Variants in TMEM132D observed in about 807,000 individuals in gnomAD.
TMEM132D encodes mature OL transmembrane protein.
In TMEM132D, 21 loss-of-function variants were observed where a neutral mutation model predicts 62.3. The ratio of observed to expected loss-of-function variants is 0.34; its 90% CI spans 0.24 to 0.49. The LOEUF is 0.49. TMEM132D is among the 20% of genes least tolerant of loss of function. The pLI, the probability that TMEM132D is intolerant of heterozygous loss-of-function variation, is 0.99. For synonymous variants in TMEM132D, 621 were observed against 575.6 expected, an observed-to-expected ratio of 1.08 and a Z score of -1.13; for missense variants, 1,346 against 1,402.8, an observed-to-expected ratio of 0.96 and a Z score of 0.65.
chr12:129,292,660 C>A (rs192330889), intron 4 of TMEM132D, among the ~76,000 whole-genome samples: 31 of 152,274 alleles, frequency 2.0e-4, no homozygotes, highest in African/African-American at 5.5e-4. Context: ...GATAATCACT[C>A]AGAAAGTGCA....
intron 5 of TMEM132D, among the ~76,000 whole-genome samples, chr12:129,112,172 A>G (rs1338358083): frequency 2.0e-5 from 3 of 152,192 alleles, no homozygotes; most frequent in Non-Finnish European, 2.9e-5. Context: ...TTGCTTGCAA[A>G]TGAGGATTCT....
intron 3 of TMEM132D, among the ~76,000 whole-genome samples, chr12:129,486,630 C>T (rs539916074): frequency 1.6e-4 from 24 of 152,260 alleles, no homozygotes; most frequent in South Asian, 4.1e-4. Context: ...GATCATACAC[C>T]CTAAGTCATA....
At chr12:129,492,923 C>T (rs1003572289) in intron 3 of TMEM132D, among the ~76,000 whole-genome samples, 1 of 152,134 alleles carries the variant, frequency 6.6e-6, no homozygotes, top group Non-Finnish European at 1.5e-5. Flanking sequence ...GGCTGCTAAA[C>T]AGCTAATCCC....
chr12:129,423,656 C>T (rs889547730), intron 3 of TMEM132D, among the ~76,000 whole-genome samples: 1 of 152,236 alleles, frequency 6.6e-6, no homozygotes, highest in East Asian at 1.9e-4. Context: ...GAAAGGGAAG[C>T]GCTTGTACTC....
At chr12:129,333,991 G>A (rs2135653827) in intron 4 of TMEM132D, among the ~76,000 whole-genome samples, 1 of 152,180 alleles carries the variant, frequency 6.6e-6, no homozygotes, top group South Asian at 2.1e-4. Context: ...CCTGTTGGCA[G>A]GTGCCTGTAG....
intron 1 of TMEM132D, among the ~76,000 whole-genome samples, chr12:129,828,758 A>AGGAGGGAGGGAGGAAAGGAG (rs1872737806): frequency 1.0e-4 from 1 of 9,978 alleles, no homozygotes; most frequent in Non-Finnish European, 2.7e-4. Flanking sequence ...GAGGGAGGAA[A>AGGAGGGAGGGAGGAAAGGAG]GGAGGGAGGG....
At chr12:129,445,079 C>T (rs1257863194) in intron 3 of TMEM132D, among the ~76,000 whole-genome samples, 2 of 152,120 alleles carry the variant, frequency 1.3e-5, no homozygotes, top group Non-Finnish European at 2.9e-5. Context: ...TGGAATCAAC[C>T]TAAATATCCA....
chr12:129,383,896 G>T (rs2135688989), intron 3 of TMEM132D, among the ~76,000 whole-genome samples: 1 of 152,292 alleles, frequency 6.6e-6, no homozygotes, highest in South Asian at 2.1e-4. Context: ...GCAGGCCCAG[G>T]TCATCCCTGG....
chr12:129,317,344 C>A (rs539552202), intron 4 of TMEM132D, among the ~76,000 whole-genome samples: 1 of 152,078 alleles, frequency 6.6e-6, no homozygotes, highest in Non-Finnish European at 1.5e-5. Context: ...TTGGTAATGG[C>A]GAAGTCTCTC....
chr12:129,775,683 G>C (rs1427687227), intron 1 of TMEM132D, among the ~76,000 whole-genome samples: 2 of 152,180 alleles, frequency 1.3e-5, no homozygotes, highest in Non-Finnish European at 2.9e-5. Flanking sequence ...TGCCATAAAT[G>C]GCATCCAGTT....
At chr12:129,323,193 A>G (rs1868777540) in intron 4 of TMEM132D, among the ~76,000 whole-genome samples, 1 of 152,156 alleles carries the variant, frequency 6.6e-6, no homozygotes, top group South Asian at 2.1e-4. Flanking sequence ...AGCTACCCAT[A>G]AGGCATTAAA....
chr12:129,644,570 G>A (rs1414497581), intron 2 of TMEM132D, among the ~76,000 whole-genome samples: 1 of 152,094 alleles, frequency 6.6e-6, no homozygotes, highest in Non-Finnish European at 1.5e-5. Flanking sequence ...AAGTGGAACT[G>A]CAGTTACCAT....
intron 1 of TMEM132D, among the ~76,000 whole-genome samples, chr12:129,842,080 A>G (rs78558963): frequency 0.1 from 14,483 of 139,944 alleles, 812 homozygotes; most frequent in Middle Eastern, 0.15. Flanking sequence ...ACAGGCGCCC[A>G]CCACCACGCC....
intron 3 of TMEM132D, among the ~76,000 whole-genome samples, chr12:129,402,976 T>C (rs1355669217): frequency 6.6e-6 from 1 of 152,126 alleles, no homozygotes; most frequent in East Asian, 1.9e-4. Flanking sequence ...AAATTCTGCT[T>C]TGTTTTGCTT....
At chr12:129,725,613 T>G (rs1869004653) in intron 1 of TMEM132D, among the ~76,000 whole-genome samples, 1 of 152,206 alleles carries the variant, frequency 6.6e-6, no homozygotes, top group South Asian at 2.1e-4. Context: ...GGCAAATAGT[T>G]TCACAGTGTA....
At chr12:129,468,137 A>T (rs1873972463) in intron 3 of TMEM132D, among the ~76,000 whole-genome samples, 1 of 152,144 alleles carries the variant, frequency 6.6e-6, no homozygotes, top group Non-Finnish European at 1.5e-5. Context: ...TAGTAGATAA[A>T]GCAAAGACAT....
chr12:129,759,236 G>A (rs779510871), intron 1 of TMEM132D, among the ~76,000 whole-genome samples: 3 of 152,120 alleles, frequency 2.0e-5, no homozygotes, highest in Admixed American at 6.5e-5. Flanking sequence ...GCCGGGTCAC[G>A]TGTTTAAAAT....
chr12:129,837,763 G>A (rs78575151), intron 1 of TMEM132D, among the ~76,000 whole-genome samples: 2,433 of 152,252 alleles, frequency 0.016, 40 homozygotes, highest in South Asian at 0.03. Flanking sequence ...GAATGAATGA[G>A]CTACAGCATC....
rs2135604243 is a variant in TMEM132D at position 129,074,692 on chromosome 12, T to C, written c.2483A>G (p.Lys828Arg). The part of the protein sequence containing the change: ...MENNVSDRRP[K>R]KPSQEWGSQE... Reference sequence around the variant, plus strand: ...ACTCCCCCATTCCTGCGAGGGTTTTTTGGGCCTTCTGTCACTGACATTGTT... The same window carrying C: ...ACTCCCCCATTCCTGCGAGGGTTTTCTGGGCCTTCTGTCACTGACATTGTT... Residue 828 changes from lysine (K) to arginine (R), a missense_variant, in exon 9 of 9, where the codon AAA becomes AGA. By Grantham distance (26) the Lys-to-Arg change is conservative (BLOSUM62 2). Coordinates refer to ENST00000422113, the MANE Select transcript of TMEM132D (RefSeq NM_133448.3). The C allele has an allele frequency of 6.2e-7, 1 of 1,614,188 alleles. No homozygotes were observed. Among genetic ancestry groups the C allele is most frequent in the Non-Finnish European group, 8.5e-7 (1 of 1,180,038 alleles).
Sources: allele counts gnomAD v4.1 joint callset (sites outside exome capture counted in the v4.1 genomes callset), GRCh38; gene constraint gnomAD v4.1.1; transcripts MANE v1.5; gene names NCBI Gene and HGNC (gene_info 2026-07-23, HGNC 2026-07-21).